Variants in HPS3 observed in about 807,000 individuals in gnomAD.
HPS3 encodes the protein HPS3 biogenesis of lysosomal organelles complex 2 subunit 1.
A neutral mutation model predicts 110.9 loss-of-function variants in HPS3; 79 were observed. The observed-to-expected ratio is 0.71, with a 90% CI of 0.59 to 0.86. The LOEUF (loss-of-function observed/expected upper bound fraction) is 0.86, where lower values mean the gene tolerates loss of function less well. Ranked by LOEUF, HPS3 falls within the 40% of genes least tolerant of loss-of-function variation. HPS3 has a pLI of 0.00. For missense variants in HPS3, 1,197 were observed against 1,206.2 expected (o/e 0.99, Z 0.11); for synonymous variants, 428 against 451.0 (o/e 0.95, Z 0.65).
Position 149,157,407 on chromosome 3 carries a change from A to C in HPS3, c.1567A>C (p.Ser523Arg), listed in dbSNP as rs1375045289. ...AACCCAGAGCTGCATTCACCTTCTCAGTGAGGCTCATCTGTTAGTGCGAGC... is the reference window on the plus strand; with the variant it reads ...AACCCAGAGCTGCATTCACCTTCTCCGTGAGGCTCATCTGTTAGTGCGAGC... ...VKTQSCIHLL[S>R]EAHLLVRAAL... is the part of the protein sequence containing the mutation. The change falls in exon 9 of 17, where the codon AGT becomes CGT. Residue 523 changes from serine (S) to arginine (R), a missense_variant. Ser to Arg is a moderately radical substitution (Grantham distance 110, BLOSUM62 -1). Transcript: ENST00000296051. 39 of 1,613,394 alleles carry C rather than the reference A, an allele frequency of 2.4e-5. No individual in the cohort carries two copies. Among genetic ancestry groups the C allele is most frequent in the Non-Finnish European group, 3.2e-5 (38 of 1,179,514 alleles).
chr3:149,161,650 C>T (rs970944944), intron 11 of HPS3, among the ~76,000 whole-genome samples: 2 of 151,690 alleles, frequency 1.3e-5, no homozygotes, highest in Admixed American at 6.6e-5. Flanking sequence ...GCTGGGATTA[C>T]AGGTGTGTAC....
At chr3:149,159,966 C>T (rs1035697225) in intron 10 of HPS3, 80 bp from the exon 11 acceptor site, 2 of 955,588 alleles carry the variant, frequency 2.1e-6, no homozygotes, top group Middle Eastern at 2.1e-4. Flanking sequence ...TGGCTTTTTG[C>T]ACATATGTTT....
At chr3:149,138,829 T>G (rs1344411671) in intron 1 of HPS3, among the ~76,000 whole-genome samples, 1 of 152,192 alleles carries the variant, frequency 6.6e-6, no homozygotes, top group Non-Finnish European at 1.5e-5. Flanking sequence ...AAATGTAAAT[T>G]ATAATAGCCG....
chr3:149,140,556 T>C (rs1722380253), intron 2 of HPS3, 58 bp downstream of exon 2: 3 of 1,583,610 alleles, frequency 1.9e-6, no homozygotes, highest in South Asian at 1.1e-5. Context: ...CCTTCACCTT[T>C]GGCAGTCTGA....
intron 6 of HPS3, among the ~76,000 whole-genome samples, chr3:149,151,491 A>T (rs564285375): frequency 6.7e-6 from 1 of 149,102 alleles, no homozygotes; most frequent in East Asian, 2.0e-4. Flanking sequence ...TCTGTATTTT[A>T]TAAGCCTTTG....
chr3:149,143,761 T>C (rs1022339569), intron 4 of HPS3, among the ~76,000 whole-genome samples: 1 of 152,112 alleles, frequency 6.6e-6, no homozygotes, highest in Admixed American at 6.5e-5. Context: ...TAAAAAAGAA[T>C]AGGGAGAAAA....
intron 10 of HPS3, among the ~76,000 whole-genome samples, chr3:149,159,481 T>C (rs901536845): frequency 2.6e-5 from 4 of 152,154 alleles, no homozygotes; most frequent in African/African-American, 9.7e-5. Context: ...GAGGATCGCT[T>C]GAGCCCAGGA....
At position 149,129,701 on chromosome 3, in the gene HPS3, G is replaced by A. The variant is rs1188427506; in HGVS notation, c.-23G>A. ...GGGCGCCCTGCAGGGCGGGCAGGCT[G>A]TGCCATCCCGCCGGACGTCGGGATG... On this transcript the variant is annotated 5_prime_UTR_variant, in exon 1 of 17. The change creates a new upstream start codon in the 5' untranslated region. Transcript: ENST00000296051. 1 of 1,552,978 alleles carries A rather than the reference G, an allele frequency of 6.4e-7. No individual in the cohort carries two copies. The highest frequency in any genetic ancestry group is 8.7e-7 in the Non-Finnish European group (1 of 1,151,198).
Position 149,140,539 on chromosome 3 carries a change from T to C in HPS3, c.712+41T>C, listed in dbSNP as rs1722379120. ...GACTTGCTTTCTTGTTTTAGGAATA[T>C]AGAAAACCTTCACCTTTGGCAGTCT... On this transcript the variant is annotated intron_variant, in intron 2 of 16. Coordinates refer to ENST00000296051, the MANE Select transcript of HPS3 (RefSeq NM_032383.5). The C allele has an allele frequency of 5.0e-6, 8 of 1,609,696 alleles. No individual in the cohort carries two copies. In the South Asian group the frequency reaches 6.6e-5, roughly 13 times the overall value.
rs1214611119 is a variant in HPS3, at chr3:149,150,680, G to A, written c.1245G>A (p.Lys415=). ...ACCCGTACATGGACACCACCCTGAAGGTAAGAACTGGCTTATGAAGATAGT... is the reference window on the plus strand; with the variant it reads ...ACCCGTACATGGACACCACCCTGAAAGTAAGAACTGGCTTATGAAGATAGT... ...EEDPYMDTTL[K]ACPPVSMDVC... Residue 415 remains lysine, a splice_region_variant and synonymous_variant, in exon 6 of 17, where the codon AAG becomes AAA. Transcript: ENST00000296051. The A allele has an allele frequency of 2.5e-6, 4 of 1,610,350 alleles. No individual in the cohort carries two copies. The highest frequency in any genetic ancestry group is 3.4e-6 in the Non-Finnish European group (4 of 1,176,572).
At chr3:149,168,120 G>A in intron 16 of HPS3, 137 bp downstream of exon 16, 1 of 656,266 alleles carries the variant, frequency 1.5e-6, no homozygotes, top group Non-Finnish European at 2.8e-6. Context: ...CTTATTTTCA[G>A]CATTCACGTA....
At chr3:149,155,636 A>G (rs890774086) in intron 8 of HPS3, among the ~76,000 whole-genome samples, 1 of 152,148 alleles carries the variant, frequency 6.6e-6, no homozygotes, top group African/African-American at 2.4e-5. Context: ...CTACTGCAGC[A>G]TTGTCCTGGG....
chr3:149,135,673 G>C (rs1398585577), intron 1 of HPS3, among the ~76,000 whole-genome samples: 2 of 152,070 alleles, frequency 1.3e-5, no homozygotes, highest in African/African-American at 4.8e-5. Flanking sequence ...AAAGAAGAGG[G>C]GAGACCTGAG....
rs1217158127 is a variant in HPS3, at chr3:149,172,978, A to G, written c.*756A>G. 6.6e-6 allele frequency: 1 copy of G among 152,612 alleles called. No homozygotes were observed. The highest frequency in any genetic ancestry group is 1.5e-5 in the Non-Finnish European group (1 of 68,014). The allele number at this position is 152,612 out of a possible 1,614,324, so 9.5% of individuals were successfully genotyped here. On this transcript the variant is annotated 3_prime_UTR_variant, in exon 17 of 17. Transcript: ENST00000296051. ...TATTCACAACCATGTGTCTTCATTT[A>G]TAACTTTTTGTTTAAAAAATTTTTA...
chr3:149,132,720 G>A (rs1048297527), intron 1 of HPS3, among the ~76,000 whole-genome samples: 2 of 152,192 alleles, frequency 1.3e-5, no homozygotes, highest in Admixed American at 1.3e-4. Context: ...CCACAGATAA[G>A]TGATTCTTCT....
At position 149,150,580 on chromosome 3, in the gene HPS3, C is replaced by T; in HGVS notation, c.1164-19C>T. On this transcript the variant is annotated intron_variant, in intron 5 of 16. Transcript: ENST00000296051. Reference sequence around the variant, plus strand: ...TTCTTGGCCTCACTTTGCTCAGCAGCCTGTGTCTTCCTCCTCAGTAACAAC... The same window carrying T: ...TTCTTGGCCTCACTTTGCTCAGCAGTCTGTGTCTTCCTCCTCAGTAACAAC... 2.5e-6 allele frequency: 4 copies of T among 1,610,990 alleles called. No individual in the cohort carries two copies. Among genetic ancestry groups the T allele is most frequent in the Non-Finnish European group, 3.4e-6 (4 of 1,177,268 alleles).
Position 149,150,615 on chromosome 3 carries a change from T to G in HPS3, c.1180T>G (p.Phe394Val), listed in dbSNP as rs746682122. Residue 394 changes from phenylalanine to valine, a missense_variant, in exon 6 of 17, where the codon TTC becomes GTC. By Grantham distance (50) the Phe-to-Val change is conservative. Coordinates refer to ENST00000296051, the MANE Select transcript of HPS3 (RefSeq NM_032383.5). Reference sequence around the variant, plus strand: ...CCTCCTCAGTAACAACCTGCAGTGTTTCACTGTGCGGTGCAGTGCGGCGGC... The same window carrying G: ...CCTCCTCAGTAACAACCTGCAGTGTGTCACTGTGCGGTGCAGTGCGGCGGC... ...HVITSNNLQCFTVRCSAAAAR... is the reference protein window; with the variant it reads ...HVITSNNLQCVTVRCSAAAAR... 1 of 1,614,100 alleles carries G rather than the reference T, an allele frequency of 6.2e-7. No individual in the cohort carries two copies. The highest frequency in any genetic ancestry group is 1.7e-5 in the Admixed American group (1 of 60,016).
At chr3:149,145,019 A>G (rs1041233783) in intron 4 of HPS3, among the ~76,000 whole-genome samples, 1 of 152,160 alleles carries the variant, frequency 6.6e-6, no homozygotes, top group Non-Finnish European at 1.5e-5. Flanking sequence ...TTGCTGGTCT[A>G]TACTCAGGCT....
rs1559932371 is a variant in HPS3 at position 149,173,639 on chromosome 3, A to G, written c.*1417A>G. The G allele has an allele frequency of 1.1e-5, 11 of 967,364 alleles. No homozygotes were observed. Among genetic ancestry groups the G allele is most frequent in the Non-Finnish European group, 1.8e-5 (11 of 628,566 alleles). The allele number at this position is 967,364 out of a possible 1,614,324, so 59.9% of individuals were successfully genotyped here. A position where few individuals can be genotyped will look rare whatever the true frequency, so the allele number is the denominator to read the frequency against. On this transcript the variant is annotated 3_prime_UTR_variant, in exon 17 of 17. Coordinates refer to ENST00000296051, the MANE Select transcript of HPS3 (RefSeq NM_032383.5). ...TATAGTCATTCCAAAGTAACATTCT[A>G]TTTTACACTTTCACATACATTGTTA...
Sources: gnomAD v4.1 joint callset for allele counts (sites outside exome capture counted in the v4.1 genomes callset) on GRCh38, gnomAD v4.1.1 for gene constraint, MANE v1.5 for transcripts, NCBI Gene and HGNC (gene_info 2026-07-23, HGNC 2026-07-21) for gene names.